Variants in VAV3 observed in about 807,000 individuals in gnomAD.
The protein encoded by VAV3 is guanine nucleotide exchange factor VAV3.
A neutral mutation model predicts 131.2 loss-of-function variants in VAV3; 94 were observed. That is an observed-to-expected ratio of 0.72 (90% CI 0.61 to 0.85). VAV3 has a LOEUF of 0.85. VAV3 is among the 40% of genes least tolerant of loss of function. VAV3 has a pLI of 0.00. For synonymous variants in VAV3, 349 were observed against 342.0 expected, an observed-to-expected ratio of 1.02 and a Z score of -0.22; for missense variants, 939 against 1,002.7, an observed-to-expected ratio of 0.94 and a Z score of 0.86.
intron 15 of VAV3, among the ~76,000 whole-genome samples, chr1:107,730,999 C>G (rs187432403): frequency 6.6e-6 from 1 of 152,246 alleles, no homozygotes; most frequent in East Asian, 1.9e-4. Context: ...ACCTTCTTAG[C>G]TACCTCACCA....
At chr1:107,596,423 A>G in intron 24 of VAV3, 82 bp from the exon 25 acceptor site, 2 of 1,468,666 alleles carry the variant, frequency 1.4e-6, no homozygotes, top group Admixed American at 2.0e-5. Flanking sequence ...CATAAATACA[A>G]TAAGGATGAC....
At chr1:107,609,758 A>G in intron 22 of VAV3, 173 bp downstream of exon 22, 1 of 635,772 alleles carries the variant, frequency 1.6e-6, no homozygotes, top group Non-Finnish European at 2.7e-6. Flanking sequence ...GCAGATAAAG[A>G]TATGGAAAGG....
At chr1:107,846,565 A>T (rs1668980347) in intron 2 of VAV3, among the ~76,000 whole-genome samples, 1 of 152,244 alleles carries the variant, frequency 6.6e-6, no homozygotes, top group Non-Finnish European at 1.5e-5. Context: ...AAAGGGATGG[A>T]GGAATATTTA....
chr1:107,706,212 A>T (rs1250917749), intron 15 of VAV3, among the ~76,000 whole-genome samples: 1 of 152,112 alleles, frequency 6.6e-6, no homozygotes, highest in Admixed American at 6.6e-5. Context: ...ATGAGCCAGG[A>T]TTTCCCCTTT....
intron 1 of VAV3, among the ~76,000 whole-genome samples, chr1:107,930,947 A>T (rs1421936286): frequency 6.6e-6 from 1 of 152,206 alleles, no homozygotes; most frequent in East Asian, 1.9e-4. Context: ...GGAACAAGTT[A>T]ATGACACCAT....
At chr1:107,877,398 G>A (rs974888272) in intron 1 of VAV3, among the ~76,000 whole-genome samples, 3 of 152,136 alleles carry the variant, frequency 2.0e-5, no homozygotes. Context: ...ACCACGCTCT[G>A]AAGATTTCCC....
intron 15 of VAV3, among the ~76,000 whole-genome samples, chr1:107,738,730 T>TTTAGAC (rs1475064980): frequency 9.9e-5 from 15 of 152,172 alleles, no homozygotes; most frequent in Non-Finnish European, 1.8e-4. Flanking sequence ...AACTGTTAGG[T>TTTAGAC]TTAGACTTAT....
At chr1:107,669,357 C>T (rs762530671) in intron 19 of VAV3, 88 of 1,289,752 alleles carry the variant, frequency 6.8e-5, no homozygotes, top group Non-Finnish European at 8.8e-5. Flanking sequence ...TTTCAGAAAC[C>T]TCAAGGCTGC....
chr1:107,818,343 T>C (rs1667646765), intron 2 of VAV3, among the ~76,000 whole-genome samples: 1 of 152,090 alleles, frequency 6.6e-6, no homozygotes, highest in Non-Finnish European at 1.5e-5. Flanking sequence ...TCTATACGTT[T>C]AGTGGAAATG....
At chr1:107,632,184 T>C (rs1272969444) in intron 20 of VAV3, among the ~76,000 whole-genome samples, 1 of 152,162 alleles carries the variant, frequency 6.6e-6, no homozygotes. Context: ...AAAATTACCA[T>C]GGTCTCTTAC....
At chr1:107,931,326 A>ATACT (rs1448185706) in intron 1 of VAV3, among the ~76,000 whole-genome samples, 1 of 152,224 alleles carries the variant, frequency 6.6e-6, no homozygotes, top group Non-Finnish European at 1.5e-5. Context: ...ATTTGCTTTA[A>ATACT]TACTTAGGCA....
intron 17 of VAV3, among the ~76,000 whole-genome samples, chr1:107,695,146 T>G (rs1659668975): frequency 6.6e-6 from 1 of 152,030 alleles, no homozygotes; most frequent in African/African-American, 2.4e-5. Flanking sequence ...GAGAGTCGTG[T>G]TATAGGTTGG....
intron 6 of VAV3, among the ~76,000 whole-genome samples, chr1:107,769,186 C>T (rs1664901799): frequency 1.3e-5 from 2 of 152,140 alleles, no homozygotes; most frequent in Admixed American, 1.3e-4. Context: ...TCCTCATTTC[C>T]CTCCTAACCG....
intron 1 of VAV3, chr1:107,964,456 C>T (rs1046323206): frequency 1.3e-4 from 68 of 525,172 alleles, no homozygotes; most frequent in Non-Finnish European, 2.2e-4. Context: ...CATCTCCGGA[C>T]GCAAAGCTTT....
At chr1:107,912,786 C>A (rs1195256810) in intron 1 of VAV3, among the ~76,000 whole-genome samples, 1 of 152,210 alleles carries the variant, frequency 6.6e-6, no homozygotes, top group African/African-American at 2.4e-5. Context: ...ACTTGGTTGA[C>A]CCTTAGGAAC....
chr1:107,733,833 G>A (rs112824602), intron 15 of VAV3, among the ~76,000 whole-genome samples: 4,433 of 152,284 alleles, frequency 0.029, 205 homozygotes, highest in African/African-American at 0.095. Flanking sequence ...TATTAACCAG[G>A]AGGACGTCCC....
intron 15 of VAV3, among the ~76,000 whole-genome samples, chr1:107,726,192 G>C (rs1286420321): frequency 6.6e-6 from 1 of 152,090 alleles, no homozygotes; most frequent in Non-Finnish European, 1.5e-5. Context: ...TTTTGGTTCA[G>C]ACAAGGAAAA....
intron 12 of VAV3, among the ~76,000 whole-genome samples, chr1:107,754,245 A>G (rs1179542058): frequency 6.6e-6 from 1 of 152,210 alleles, no homozygotes; most frequent in Non-Finnish European, 1.5e-5. Context: ...CAAATTTGAG[A>G]AAGAGAGTAA....
intron 1 of VAV3, among the ~76,000 whole-genome samples, chr1:107,876,227 G>C (rs1236546209): frequency 6.6e-6 from 1 of 152,140 alleles, no homozygotes; most frequent in Non-Finnish European, 1.5e-5. Flanking sequence ...CAACGGATTG[G>C]TCAACACTGC....
Sources: allele counts gnomAD v4.1 joint callset (sites outside exome capture counted in the v4.1 genomes callset), GRCh38; gene constraint gnomAD v4.1.1; transcripts MANE v1.5; gene names NCBI Gene and HGNC (gene_info 2026-07-23, HGNC 2026-07-21).